HROB: variants seen among roughly 807,000 people sequenced by gnomAD.
The protein encoded by HROB is homologous recombination factor with OB-fold, also known as homologous recombination OB-fold protein.
Under a neutral mutation model 61.0 loss-of-function variants are expected in HROB, and 44 were observed. The observed-to-expected ratio is 0.72, with a 90% CI of 0.57 to 0.93. The LOEUF is 0.93. Ranked by LOEUF, HROB falls within the 40% of genes least tolerant of loss-of-function variation. The pLI is 0.00. For synonymous variants in HROB, 301 were observed against 310.4 expected, an observed-to-expected ratio of 0.97 and a Z score of 0.32; for missense variants, 716 against 796.2, an observed-to-expected ratio of 0.90 and a Z score of 1.21.
chr17:44,150,637 C>T (rs936788509), intron 3 of HROB, among the ~76,000 whole-genome samples: 5 of 152,158 alleles, frequency 3.3e-5, no homozygotes, highest in African/African-American at 4.8e-5. Context: ...GTGATCCACC[C>T]GCCTCAGCCT....
rs946467682 is a variant in HROB, at chr17:44,148,454, C to A, written c.651C>A (p.Ile217=). The change falls in exon 3 of 10, where the codon ATC becomes ATA. Residue 217 remains isoleucine, a synonymous_variant. Coordinates refer to ENST00000585683, the MANE Select transcript of HROB (RefSeq NM_001171251.3). ...GSCQKGPVPA[I]HKAGIMSAQD... ...GCCAGAAGGGGCCTGTGCCTGCCAT[C>A]CACAAAGCGGGTATCATGTCCGCCC... The A allele has an allele frequency of 6.2e-7, 1 of 1,614,100 alleles. No homozygotes were observed. The highest frequency in any genetic ancestry group is 1.3e-5 in the African/African-American group (1 of 75,014).
At chr17:44,151,723 C>T (rs1252512253) in intron 4 of HROB, among the ~76,000 whole-genome samples, 1 of 152,092 alleles carries the variant, frequency 6.6e-6, no homozygotes, top group Non-Finnish European at 1.5e-5. Flanking sequence ...GGATCCCTAC[C>T]CCTAAGACTT....
chr17:44,158,525 C>T (rs1178764869), intron 9 of HROB, among the ~76,000 whole-genome samples: 1 of 152,098 alleles, frequency 6.6e-6, no homozygotes, highest in African/African-American at 2.4e-5. Context: ...ATTCTGTTGC[C>T]CAGGCTGGAG....
At chr17:44,160,856 C>T (rs1029155662) in intron 9 of HROB, among the ~76,000 whole-genome samples, 2 of 152,118 alleles carry the variant, frequency 1.3e-5, no homozygotes, top group African/African-American at 4.8e-5. Context: ...GTGAGACAAG[C>T]CAAGGCATCA....
At chr17:44,147,119 A>G (rs2053633051) in intron 2 of HROB, among the ~76,000 whole-genome samples, 1 of 152,018 alleles carries the variant, frequency 6.6e-6, no homozygotes, top group South Asian at 2.1e-4. Context: ...GACAGGCAGC[A>G]TGACCAGCTG....
intron 8 of HROB, 102 bp from the exon 9 acceptor site, chr17:44,157,731 C>T: frequency 1.3e-6 from 1 of 781,138 alleles, no homozygotes; most frequent in Non-Finnish European, 2.0e-6. Context: ...TGTTTCTTTC[C>T]TGAGCCCCAC....
At chr17:44,143,418 C>A (rs1373000191) in intron 1 of HROB, among the ~76,000 whole-genome samples, 1 of 151,906 alleles carries the variant, frequency 6.6e-6, no homozygotes, top group Non-Finnish European at 1.5e-5. Context: ...CTGAGGTGGG[C>A]AGATCACAAG....
chr17:44,157,326 T>C (rs1030411571), intron 8 of HROB, among the ~76,000 whole-genome samples: 6 of 151,938 alleles, frequency 3.9e-5, no homozygotes, highest in African/African-American at 1.5e-4. Context: ...TCTGCTGCTT[T>C]GGGTGTTTGG....
At chr17:44,149,159 C>A in intron 3 of HROB, 132 bp downstream of exon 3, 1 of 966,412 alleles carries the variant, frequency 1.0e-6, no homozygotes, top group Non-Finnish European at 1.5e-6. Context: ...TTCAAAGCTG[C>A]AGGAGAAATA....
intron 2 of HROB, 88 bp downstream of exon 2, chr17:44,145,341 A>T (rs1443923368): frequency 4.7e-6 from 7 of 1,490,748 alleles, no homozygotes; most frequent in Non-Finnish European, 5.6e-6. Flanking sequence ...AGCCTGTACC[A>T]GCCTCCTTTT....
chr17:44,147,853 T>C lies in HROB; in HGVS notation c.55-5T>C, dbSNP rs965809569. 1.9e-6 allele frequency: 3 copies of C among 1,607,028 alleles called. No homozygotes were observed. The highest frequency in any genetic ancestry group is 4.5e-5 in the East Asian group (2 of 44,710). On this transcript the variant is annotated splice_region_variant and splice_polypyrimidine_tract_variant and intron_variant, in intron 2 of 9. Coordinates refer to ENST00000585683, the MANE Select transcript of HROB (RefSeq NM_001171251.3). ...CCAAGACCTACCATCTCTGCTTCCTTGTAGGATTTCTTGTCTGCTGTGGAG... is the reference window on the plus strand; with the variant it reads ...CCAAGACCTACCATCTCTGCTTCCTCGTAGGATTTCTTGTCTGCTGTGGAG...
chr17:44,151,999 A>G (rs1021096480), intron 4 of HROB, among the ~76,000 whole-genome samples: 3 of 152,056 alleles, frequency 2.0e-5, no homozygotes, highest in Non-Finnish European at 2.9e-5. Flanking sequence ...GGCGTGTGCC[A>G]CCATGCCTGG....
chr17:44,143,983 C>CT (rs879702293), intron 1 of HROB, among the ~76,000 whole-genome samples: 128 of 145,046 alleles, frequency 8.8e-4, no homozygotes, highest in African/African-American at 1.8e-3. Context: ...TCTTTCTTTC[C>CT]TTTTTTTTTT....
intron 4 of HROB, among the ~76,000 whole-genome samples, chr17:44,151,800 GATTTTATTTT>G (rs200271254): frequency 3.3e-5 from 5 of 151,980 alleles, no homozygotes; most frequent in South Asian, 2.1e-4. Context: ...GTCAGGAGCT[GATTTTATTTT>G]ATTTTATTTT....
chr17:44,150,407 T>A (rs1598094522), intron 3 of HROB, among the ~76,000 whole-genome samples: 1 of 137,960 alleles, frequency 7.2e-6, no homozygotes, highest in African/African-American at 2.9e-5. Context: ...TTTTTTTTTT[T>A]AAGACAGAGT....
At chr17:44,154,721 G>T (rs2053919958) in intron 6 of HROB, 57 bp downstream of exon 6, 1 of 1,600,554 alleles carries the variant, frequency 6.2e-7, no homozygotes, top group South Asian at 1.1e-5. Context: ...GCCAGGAAAT[G>T]AGGTGGAATC....
chr17:44,151,624 T>C (rs2053808609), intron 4 of HROB, among the ~76,000 whole-genome samples: 1 of 152,138 alleles, frequency 6.6e-6, no homozygotes, highest in African/African-American at 2.4e-5. Context: ...TGTAAGAAGG[T>C]TAATTGTTAA....
Position 44,148,113 on chromosome 17 carries a change from GTC to G in HROB, c.314_315del (p.Ser105TyrfsTer36). 1.2e-6 allele frequency: 2 copies of G among 1,614,200 alleles called. No homozygotes were observed. The highest frequency in any genetic ancestry group is 1.7e-6 in the Non-Finnish European group (2 of 1,180,042). ...SCIGAAPLRPVSTSSSWIGNQ... is the reference protein window; with the variant it reads ...SCIGAAPLRPXSTSSSWIGNQ... ...CATAGGAGCAGCTCCCCTAAGGCCT[GTC>G]TCTACTTCCAGCAGCTGGATTGGCA... On this transcript the variant is annotated frameshift_variant, in exon 3 of 10. Transcript: ENST00000585683. LOFTEE classifies it high-confidence loss of function.
Position 44,148,492 on chromosome 17 carries a change from T to C in HROB, c.689T>C (p.Leu230Pro). 1.2e-6 allele frequency: 2 copies of C among 1,614,140 alleles called. No individual in the cohort carries two copies. The highest frequency in any genetic ancestry group is 1.7e-6 in the Non-Finnish European group (2 of 1,180,016). Residue 230 changes from leucine to proline, a missense_variant, in exon 3 of 10, where the codon CTA becomes CCA. By Grantham distance (98) the Leu-to-Pro change is moderately conservative (BLOSUM62 -3). Transcript: ENST00000585683. ...ATCATGTCCGCCCAGGATGAGTCTC[T>C]AGATCCTGTCATCCAATGTAGGACT... ...AGIMSAQDES[L>P]DPVIQCRTPR...
Sources: allele counts gnomAD v4.1 joint callset (sites outside exome capture counted in the v4.1 genomes callset), GRCh38; gene constraint gnomAD v4.1.1; transcripts MANE v1.5; gene names NCBI Gene and HGNC (gene_info 2026-07-23, HGNC 2026-07-21).